Variants in PEX5L observed in about 807,000 individuals in gnomAD.
The protein encoded by PEX5L is peroxisomal biogenesis factor 5 like, also known as PEX5-related protein.
Under a neutral mutation model 84.0 loss-of-function variants are expected in PEX5L, and 30 were observed. The observed-to-expected ratio is 0.36, with a 90% CI of 0.27 to 0.48. PEX5L has a LOEUF of 0.48. Among genes scored for constraint, PEX5L ranks in the 20% least tolerant of loss-of-function variants. The pLI, the probability that PEX5L is intolerant of heterozygous loss-of-function variation, is 0.99. For synonymous variants in PEX5L, 270 were observed against 283.1 expected, an observed-to-expected ratio of 0.95 and a Z score of 0.46; for missense variants, 533 against 754.6, an observed-to-expected ratio of 0.71 and a Z score of 3.44.
chr3:179,855,276 G>A (rs1743485829), intron 8 of PEX5L, among the ~76,000 whole-genome samples: 1 of 152,170 alleles, frequency 6.6e-6, no homozygotes, highest in South Asian at 2.1e-4. Flanking sequence ...ACATAAGGCA[G>A]AGATTTTGGA....
chr3:180,033,411 C>A (rs989142569), intron 1 of PEX5L, among the ~76,000 whole-genome samples: 3 of 152,130 alleles, frequency 2.0e-5, no homozygotes, highest in African/African-American at 7.2e-5. Context: ...TTAAAAAACC[C>A]ATTGCTGTGG....
At chr3:179,920,071 C>A (rs979346589) in intron 2 of PEX5L, among the ~76,000 whole-genome samples, 2 of 152,164 alleles carry the variant, frequency 1.3e-5, no homozygotes, top group Admixed American at 6.5e-5. Context: ...AGACACCTGG[C>A]AAAATGTCCA....
intron 2 of PEX5L, among the ~76,000 whole-genome samples, chr3:179,935,820 T>G (rs1191432159): frequency 6.6e-6 from 1 of 152,186 alleles, no homozygotes; most frequent in Non-Finnish European, 1.5e-5. Context: ...ATTCTTGTGA[T>G]AGTGAATTCT....
chr3:179,961,195 A>ATGTGTG (rs1186882207), intron 2 of PEX5L, among the ~76,000 whole-genome samples: 16 of 139,822 alleles, frequency 1.1e-4, no homozygotes, highest in African/African-American at 3.9e-4. Context: ...TCACTTGTGT[A>ATGTGTG]TGTGTATGTG....
At chr3:180,029,152 T>G (rs1277548841) in intron 1 of PEX5L, among the ~76,000 whole-genome samples, 1 of 152,168 alleles carries the variant, frequency 6.6e-6, no homozygotes, top group Non-Finnish European at 1.5e-5. Flanking sequence ...GAGAAAAGAT[T>G]TAAGGGAATG....
chr3:179,892,223 C>T (rs1578116484), intron 3 of PEX5L, among the ~76,000 whole-genome samples: 1 of 152,072 alleles, frequency 6.6e-6, no homozygotes, highest in East Asian at 1.9e-4. Flanking sequence ...TTCTTATTCT[C>T]CCCTTTCCTC....
chr3:179,797,136 C>T lies in PEX5L; in HGVS notation c.*4692G>A, dbSNP rs1329828623. 1 of 152,188 alleles carries T rather than the reference C, an allele frequency of 6.6e-6. No homozygotes were observed. Among genetic ancestry groups the T allele is most frequent in the Non-Finnish European group, 1.5e-5 (1 of 68,026 alleles). 9.4% of individuals were successfully genotyped at this position (152,188 alleles called of 1,614,324 possible). On this transcript the variant is annotated 3_prime_UTR_variant, in exon 15 of 15. Coordinates refer to ENST00000467460, the MANE Select transcript of PEX5L (RefSeq NM_016559.3). ...CAACATGATTTAGTTTAGTAGCATT[C>T]AGACACTTGGATTTGTTTAAGTTTG...
intron 1 of PEX5L, among the ~76,000 whole-genome samples, chr3:180,025,697 G>T (rs1561081127): frequency 6.6e-6 from 1 of 152,116 alleles, no homozygotes; most frequent in South Asian, 2.1e-4. Flanking sequence ...AACTAGAACT[G>T]TGAGAAAACA....
At chr3:179,948,319 C>A (rs1045889853) in intron 2 of PEX5L, among the ~76,000 whole-genome samples, 9 of 152,182 alleles carry the variant, frequency 5.9e-5, no homozygotes, top group Non-Finnish European at 8.8e-5. Flanking sequence ...CAATTCTCAC[C>A]TAGCAAGCTG....
chr3:179,866,675 C>T (rs1404890162), intron 7 of PEX5L, among the ~76,000 whole-genome samples: 1 of 152,064 alleles, frequency 6.6e-6, no homozygotes, highest in African/African-American at 2.4e-5. Flanking sequence ...AAACACTTTC[C>T]TCATTGAAAT....
chr3:180,013,370 T>C (rs1044425474), intron 1 of PEX5L, among the ~76,000 whole-genome samples: 1 of 152,212 alleles, frequency 6.6e-6, no homozygotes, highest in Non-Finnish European at 1.5e-5. Context: ...AAGAGTATAT[T>C]TGGGCAACAG....
intron 3 of PEX5L, among the ~76,000 whole-genome samples, chr3:179,893,163 A>C (rs1758110499): frequency 6.6e-6 from 1 of 152,156 alleles, no homozygotes; most frequent in Non-Finnish European, 1.5e-5. Context: ...ACTTACTCAG[A>C]CTGGCCAGCT....
chr3:179,912,395 G>GGGTC lies in PEX5L; in HGVS notation c.94-14150_94-14149insGACC, dbSNP rs1765484376. On this transcript the variant is annotated intron_variant, in intron 2 of 14. Coordinates refer to ENST00000467460, the MANE Select transcript of PEX5L (RefSeq NM_016559.3). Reference sequence around the variant, plus strand: ...TGGCCTTTTGGGTCCAAAGATAAAAGCAACTACATGATACTGATGTTTTAT... The same window carrying GGGTC: ...TGGCCTTTTGGGTCCAAAGATAAAAGGGTCCAACTACATGATACTGATGTTTTAT... 2.0e-5 allele frequency among the ~76,000 whole-genome samples: 3 copies of GGGTC among 152,136 alleles called. No homozygotes were observed. The East Asian group carries it at 5.8e-4, about 29-fold the overall frequency.
intron 6 of PEX5L, among the ~76,000 whole-genome samples, chr3:179,874,726 G>GTTTCTTGTTTTTTTTTT (rs1751603651): frequency 2.2e-5 from 1 of 45,200 alleles, no homozygotes; most frequent in African/African-American, 6.9e-5. Flanking sequence ...AAAAATTATG[G>GTTTCTTGTTTTTTTTTT]TTTTTTTTTT....
At chr3:180,034,022 G>A (rs1226662942) in intron 1 of PEX5L, among the ~76,000 whole-genome samples, 4 of 152,192 alleles carry the variant, frequency 2.6e-5, no homozygotes, top group Non-Finnish European at 5.9e-5. Context: ...AGATGAATTA[G>A]CCATATGTAT....
intron 2 of PEX5L, among the ~76,000 whole-genome samples, chr3:179,899,816 T>C (rs1760706370): frequency 6.6e-6 from 1 of 152,176 alleles, no homozygotes; most frequent in African/African-American, 2.4e-5. Flanking sequence ...TATCAAATAC[T>C]AGAGATTTTA....
intron 1 of PEX5L, among the ~76,000 whole-genome samples, chr3:180,007,193 A>G (rs1788982882): frequency 6.6e-6 from 1 of 152,208 alleles, no homozygotes; most frequent in African/African-American, 2.4e-5. Context: ...AACTGGCCAA[A>G]ACGAACGGGT....
chr3:179,961,364 T>TA (rs34322140), intron 2 of PEX5L, among the ~76,000 whole-genome samples: 44 of 150,094 alleles, frequency 2.9e-4, no homozygotes, highest in African/African-American at 9.8e-4. Flanking sequence ...CAATGGAGCA[T>TA]AAAAAAAAAA....
chr3:179,846,485 C>T (rs747233822), intron 8 of PEX5L, among the ~76,000 whole-genome samples: 1 of 152,192 alleles, frequency 6.6e-6, no homozygotes, highest in Non-Finnish European at 1.5e-5. Flanking sequence ...TTCATCACCC[C>T]CACCACCTCC....
Sources: allele counts gnomAD v4.1 joint callset (sites outside exome capture counted in the v4.1 genomes callset), GRCh38; gene constraint gnomAD v4.1.1; transcripts MANE v1.5; gene names NCBI Gene and HGNC (gene_info 2026-07-23, HGNC 2026-07-21).